The following ANKRD62 variants were observed in gnomAD, a reference collection of about 807,000 sequenced individuals.
The protein encoded by ANKRD62 is ankyrin repeat domain-containing protein 62.
ANKRD62 carries 61 observed loss-of-function variants against 98.8 expected under a neutral mutation model. That is an observed-to-expected ratio of 0.62 (90% CI 0.50 to 0.76). The LOEUF (loss-of-function observed/expected upper bound fraction) is 0.76. Among genes scored for constraint, ANKRD62 ranks in the 30% least tolerant of loss-of-function variants. ANKRD62 has a pLI of 0.00. For missense variants in ANKRD62, 933 were observed against 1,082.9 expected, an observed-to-expected ratio of 0.86 and a Z score of 1.94; for synonymous variants, 341 against 367.9, an observed-to-expected ratio of 0.93 and a Z score of 0.84.
chr18:12,109,809 G>T, intron 8 of ANKRD62, among the ~76,000 whole-genome samples: 1 of 152,118 alleles, frequency 6.6e-6, no homozygotes, highest in South Asian at 2.1e-4. Flanking sequence ...GGACCAGAGG[G>T]TCTGTGTTGT....
At chr18:12,162,964 G>C in the ANKRD62 span, among the ~76,000 whole-genome samples, 2 of 152,026 alleles carry the variant, frequency 1.3e-5, no homozygotes, top group South Asian at 4.1e-4. Flanking sequence ...TTCCAGTTTT[G>C]TTCTGTTTAC....
At chr18:12,146,274 A>T in the ANKRD62 span, among the ~76,000 whole-genome samples, 1 of 152,154 alleles carries the variant, frequency 6.6e-6, no homozygotes, top group Non-Finnish European at 1.5e-5. Context: ...AGACATCTTA[A>T]ACCTCACTCT....
Position 12,122,469 on chromosome 18 carries a change from G to A in ANKRD62, c.1407G>A (p.Gln469=). 1 of 1,534,866 alleles carries A rather than the reference G, an allele frequency of 6.5e-7. No homozygotes were observed. The highest frequency in any genetic ancestry group is 8.7e-7 in the Non-Finnish European group (1 of 1,146,554). The stretch of plus-strand genomic sequence containing the variant: ...CTGAAACAGACAAAACCAAATCACA[G>A]TCAGAGCATCAGAATCTTCAAGGGA... ...VLSETDKTKS[Q]SEHQNLQGKK... Residue 469 remains glutamine (Q), a synonymous_variant, in exon 11 of 14, where the codon CAG becomes CAA. Transcript: ENST00000587848.
chr18:12,109,591 T>G (rs1365188074), intron 8 of ANKRD62, among the ~76,000 whole-genome samples: 1 of 152,242 alleles, frequency 6.6e-6, no homozygotes, highest in Non-Finnish European at 1.5e-5. Context: ...AATTGTTGTT[T>G]TTCTCAATGC....
the ANKRD62 span, among the ~76,000 whole-genome samples, chr18:12,159,718 A>G: frequency 6.6e-6 from 1 of 152,184 alleles, no homozygotes; most frequent in African/African-American, 2.4e-5. Context: ...AGCTAAGCAT[A>G]GATCATTATG....
At chr18:12,141,560 A>C in the ANKRD62 span, among the ~76,000 whole-genome samples, 1 of 144,414 alleles carries the variant, frequency 6.9e-6, no homozygotes, top group African/African-American at 2.6e-5. Context: ...GTATTATTCT[A>C]TTGTGACTCT....
intron 5 of ANKRD62, among the ~76,000 whole-genome samples, chr18:12,099,261 TATA>T (rs1909248282): frequency 6.6e-6 from 1 of 152,222 alleles, no homozygotes; most frequent in African/African-American, 2.4e-5. Flanking sequence ...ATTAAACATT[TATA>T]ATAACCTAGT....
Position 12,116,917 on chromosome 18 carries a change from C to G in ANKRD62, c.1240+1383C>G, listed in dbSNP as rs568357839. ...AAAATGGATGTCTGCATTTATATGTCATATTTAATTTTCTCAGTAATATTT... is the reference window on the plus strand; with the variant it reads ...AAAATGGATGTCTGCATTTATATGTGATATTTAATTTTCTCAGTAATATTT... On this transcript the variant is annotated intron_variant, in intron 10 of 13. Transcript: ENST00000587848. Among the ~76,000 whole-genome samples, 22 of 152,152 alleles carry G rather than the reference C, an allele frequency of 1.4e-4. 1 individual carries two copies. The South Asian group carries it at 4.6e-3, about 32-fold the overall frequency.
Position 12,115,122 on chromosome 18 carries a change from GTAT to G in ANKRD62, c.1098+5_1098+7del. The G allele has an allele frequency of 7.1e-7, 1 of 1,405,560 alleles. No individual in the cohort carries two copies. 87.1% of individuals were successfully genotyped at this position (1,405,560 alleles called of 1,614,324 possible). A position where few individuals can be genotyped will look rare whatever the true frequency, so the allele number is the denominator to read the frequency against. On this transcript the variant is annotated splice_donor_variant and splice_donor_region_variant and intron_variant, in intron 9 of 13. Coordinates refer to ENST00000587848, the MANE Select transcript of ANKRD62 (RefSeq NM_001277333.2). LOFTEE classifies it high-confidence loss of function. ...GAAAACCTCTAATGAAAAGAGCAAG[GTAT>G]TATAAAAGTAAATTGTCAAGAATGC...
At chr18:12,119,338 ATCT>A (rs200610983) in intron 10 of ANKRD62, among the ~76,000 whole-genome samples, 2 of 113,960 alleles carry the variant, frequency 1.8e-5, no homozygotes, top group Admixed American at 1.2e-4. Flanking sequence ...GGTGTTGCTG[ATCT>A]TCTTCTTTTT....
At chr18:12,127,671 ATTAGAG>A in intron 13 of ANKRD62, 71 bp from the exon 14 acceptor site, 4 of 1,135,080 alleles carry the variant, frequency 3.5e-6, no homozygotes, top group Non-Finnish European at 4.6e-6. Context: ...AAGTGTGTAT[ATTAGAG>A]TTAAATATTA....
chr18:12,141,027 G>T, the ANKRD62 span, among the ~76,000 whole-genome samples: 1 of 152,228 alleles, frequency 6.6e-6, no homozygotes, highest in African/African-American at 2.4e-5. Context: ...TGGCTGCTTT[G>T]TTTACCTACT....
At chr18:12,175,059 C>T in the ANKRD62 span, among the ~76,000 whole-genome samples, 48 of 152,320 alleles carry the variant, frequency 3.2e-4, no homozygotes, top group Non-Finnish European at 5.9e-4. Flanking sequence ...GTGCCTGCCC[C>T]GCTGTGGGCA....
At position 12,126,247 on chromosome 18, in the gene ANKRD62, T is replaced by C. The variant is rs974730295; in HGVS notation, c.2426T>C (p.Val809Ala). The C allele has an allele frequency of 3.3e-6, 5 of 1,535,714 alleles. No homozygotes were observed. In the African/African-American group the frequency reaches 5.5e-5, roughly 17 times the overall value. ...NQEKTIINIQVKCEDTVEKLQ... is the reference protein window; with the variant it reads ...NQEKTIINIQAKCEDTVEKLQ... Reference sequence around the variant, plus strand: ...GAGAAAACAATAATTAATATCCAAGTCAAATGTGAAGATACTGTAGAAAAA... The same window carrying C: ...GAGAAAACAATAATTAATATCCAAGCCAAATGTGAAGATACTGTAGAAAAA... The change falls in exon 13 of 14, where the codon GTC (valine) becomes GCC (alanine). Residue 809 changes from valine to alanine, a missense_variant. Physicochemically the swap from Val to Ala is moderately conservative, Grantham distance 64. Around this residue, in one of 3 missense-constraint regions of ANKRD62, gnomAD observed 362 missense variants for 434.5 expected, o/e 0.83. Transcript: ENST00000587848.
intron 8 of ANKRD62, among the ~76,000 whole-genome samples, chr18:12,112,507 C>T (rs976941307): frequency 2.0e-5 from 3 of 152,118 alleles, no homozygotes; most frequent in African/African-American, 4.8e-5. Flanking sequence ...AACTGGCTAG[C>T]CATATGCAGA....
At position 12,129,654 on chromosome 18, in the gene ANKRD62, A is replaced by C. The variant is rs1251250219; in HGVS notation, c.*1715A>C. The C allele has an allele frequency of 6.6e-6, 1 of 150,494 alleles. No individual in the cohort carries two copies. Among genetic ancestry groups the C allele is most frequent in the Non-Finnish European group, 1.5e-5 (1 of 67,800 alleles). 9.3% of individuals were successfully genotyped at this position (150,494 alleles called of 1,614,324 possible). A position where few individuals can be genotyped will look rare whatever the true frequency, so the allele number is the denominator to read the frequency against. On this transcript the variant is annotated 3_prime_UTR_variant, in exon 14 of 14. Transcript: ENST00000587848. ...TCCCAGCTACTCGGGAGGCTGAGGC[A>C]GGAGAATGGTATGAACCCGGGAGGC...
At chr18:12,145,090 C>T in the ANKRD62 span, among the ~76,000 whole-genome samples, 5 of 152,042 alleles carry the variant, frequency 3.3e-5, no homozygotes, top group Non-Finnish European at 7.4e-5. Flanking sequence ...TTGTGGTGAG[C>T]CGAGATTGCA....
intron 8 of ANKRD62, among the ~76,000 whole-genome samples, chr18:12,112,755 CTG>C (rs1909570737): frequency 6.6e-6 from 1 of 152,202 alleles, no homozygotes; most frequent in East Asian, 1.9e-4. Context: ...GCAAAAGAAA[CTG>C]TCATCAGACT....
chr18:12,139,691 T>A, the ANKRD62 span, among the ~76,000 whole-genome samples: 3 of 152,056 alleles, frequency 2.0e-5, no homozygotes, highest in Non-Finnish European at 4.4e-5. Flanking sequence ...CTCTTCTGGC[T>A]TGTAGAGTTT....
Sources: gnomAD v4.1 joint callset for allele counts (sites outside exome capture counted in the v4.1 genomes callset) on GRCh38, gnomAD v4.1.1 for gene constraint, gnomAD v4.1.1 regional missense constraint, MANE v1.5 for transcripts, NCBI Gene and HGNC (gene_info 2026-07-23, HGNC 2026-07-21) for gene names.